Variants in PPP2R5C observed in about 807,000 individuals in gnomAD.
The protein encoded by PPP2R5C is serine/threonine-protein phosphatase 2A 56 kDa regulatory subunit gamma isoform.
In PPP2R5C, 7 loss-of-function variants were observed where a neutral mutation model predicts 68.9. The ratio of observed to expected loss-of-function variants is 0.10; its 90% CI spans 0.06 to 0.19. The LOEUF (loss-of-function observed/expected upper bound fraction) is 0.19, where lower values mean the gene tolerates loss of function less well. Ranked by LOEUF, PPP2R5C falls within the 10% of genes least tolerant of loss-of-function variation. The pLI, the probability that PPP2R5C is intolerant of heterozygous loss-of-function variation, is 1.00. For synonymous variants in PPP2R5C, 210 were observed against 222.2 expected, an observed-to-expected ratio of 0.95 and a Z score of 0.49; for missense variants, 348 against 641.3, an observed-to-expected ratio of 0.54 and a Z score of 4.94.
chr14:101,855,726 G>A (rs2042383543), intron 1 of PPP2R5C, among the ~76,000 whole-genome samples: 1 of 152,194 alleles, frequency 6.6e-6, no homozygotes, highest in African/African-American at 2.4e-5. Context: ...TCAGCCCAGG[G>A]AAGATGTCAC....
At chr14:101,793,985 T>C (rs1318184915) in intron 3 of PPP2R5C, among the ~76,000 whole-genome samples, 1 of 152,180 alleles carries the variant, frequency 6.6e-6, no homozygotes, top group Non-Finnish European at 1.5e-5. Context: ...TATGTCCAGT[T>C]GCTTCTCTTC....
chr14:101,912,336 T>C, intron 11 of PPP2R5C, 65 bp from the exon 14 acceptor site: 1 of 1,397,056 alleles, frequency 7.2e-7, no homozygotes, highest in South Asian at 1.5e-5. Context: ...CTGTGCCTTT[T>C]CCCCTTCAGT....
chr14:101,875,250 T>C (rs1450749017), intron 2 of PPP2R5C, among the ~76,000 whole-genome samples: 1 of 152,166 alleles, frequency 6.6e-6, no homozygotes, highest in Non-Finnish European at 1.5e-5. Flanking sequence ...GGAAGAAGGC[T>C]CTGCTCTCCC....
chr14:101,822,860 A>C (rs188445462), intron 1 of PPP2R5C, among the ~76,000 whole-genome samples: 40 of 152,348 alleles, frequency 2.6e-4, no homozygotes, highest in Non-Finnish European at 4.6e-4. Context: ...AAATGAACAT[A>C]AATTATACTG....
In PPP2R5C at chr14:101,891,979, TAG is replaced by T. The variant is rs1176220596; in HGVS notation, c.690-1018_690-1017del. Among the ~76,000 whole-genome samples, 1 of 152,214 alleles carries T rather than the reference TAG, an allele frequency of 6.6e-6. No individual in the cohort carries two copies. The highest frequency in any genetic ancestry group is 1.5e-5 in the Non-Finnish European group (1 of 68,042). On this transcript the variant is annotated intron_variant, in intron 6 of 13. Coordinates refer to ENST00000334743, the Ensembl canonical transcript of PPP2R5C. This position sits in a 1 kb window ranked among gnomAD's most constrained non-coding sequence, Gnocchi z 4.9. ...TTGTTTTTTGTTTTTGTTTTTGAGATAGAGTCTCGCTCTGTCACCGAGGCTGG... is the reference window on the plus strand; with the variant it reads ...TTGTTTTTTGTTTTTGTTTTTGAGATAGTCTCGCTCTGTCACCGAGGCTGG...
intron 3 of PPP2R5C, 58 bp from the exon 6 acceptor site, chr14:101,883,199 T>A: frequency 8.1e-7 from 1 of 1,232,514 alleles, no homozygotes; most frequent in Non-Finnish European, 1.1e-6. Flanking sequence ...CTGGTATATT[T>A]TAACCGCCAT....
intron 2 of PPP2R5C, among the ~76,000 whole-genome samples, chr14:101,767,827 G>A (rs1365756346): frequency 6.6e-6 from 1 of 152,144 alleles, no homozygotes; most frequent in Admixed American, 6.5e-5. Context: ...CGAGCTTTGG[G>A]GTTGTTAGGA....
chr14:101,831,052 T>A lies in PPP2R5C; in HGVS notation c.94+21016T>A, dbSNP rs74517574. 4.2e-3 allele frequency among the ~76,000 whole-genome samples: 643 copies of A among 152,254 alleles called. 6 individuals carry two copies. The highest frequency in any genetic ancestry group is 0.015 in the African/African-American group (612 of 41,544). ...TGGAAAATTATAGACTAACAACCCA[T>A]GTGCAAATGACAACATCGTGTGGCA... On this transcript the variant is annotated intron_variant, in intron 1 of 13. Transcript: ENST00000334743.
At chr14:101,923,142 C>A (rs1370914882) in intron 13 of PPP2R5C, among the ~76,000 whole-genome samples, 1 of 152,204 alleles carries the variant, frequency 6.6e-6, no homozygotes, top group Non-Finnish European at 1.5e-5. Context: ...GTCTTATTCT[C>A]CCTGCCTGCT....
chr14:101,771,224 TGTGTGTGTGTGTGTG>T (rs2037133415), intron 2 of PPP2R5C, among the ~76,000 whole-genome samples: 1 of 99,390 alleles, frequency 1.0e-5, no homozygotes. Flanking sequence ...CTTCATCTCG[TGTGTGTGTGTGTGTG>T]TGTGTGTGTG....
chr14:101,833,771 C>T (rs1473233464), intron 1 of PPP2R5C, among the ~76,000 whole-genome samples: 1 of 152,142 alleles, frequency 6.6e-6, no homozygotes, highest in Non-Finnish European at 1.5e-5. Context: ...GGGGTTTTCA[C>T]TTCCCAGCTT....
intron 5 of PPP2R5C, chr14:101,890,013 GA>G (rs975141884): frequency 4.7e-6 from 3 of 644,362 alleles, no homozygotes; most frequent in East Asian, 3.1e-5. Flanking sequence ...AAAATATTGA[GA>G]AAAAAATTCG....
At chr14:101,892,829 C>T (rs3742423) in intron 6 of PPP2R5C, among the ~76,000 whole-genome samples, 171 bp from the exon 9 acceptor site, 5,382 of 152,102 alleles carry the variant, frequency 0.035, 202 homozygotes, top group East Asian at 0.098. Context: ...ATGATCCTGC[C>T]GCCTCAGCCT....
intron 2 of PPP2R5C, among the ~76,000 whole-genome samples, chr14:101,858,530 G>GTTTTTTTTA (rs2042566797): frequency 6.6e-6 from 1 of 150,948 alleles, no homozygotes; most frequent in African/African-American, 2.4e-5. Context: ...TTTTTATGAT[G>GTTTTTTTTA]TGGGTTAGGG....
chr14:101,803,542 G>T (rs1416270968), intron 3 of PPP2R5C, among the ~76,000 whole-genome samples: 1 of 152,034 alleles, frequency 6.6e-6, no homozygotes, highest in Non-Finnish European at 1.5e-5. Flanking sequence ...GGCTAACACG[G>T]TGAAACCCTG....
rs564236912 is a variant in PPP2R5C, at chr14:101,829,734, C to T, written c.94+19698C>T. 2.8e-4 allele frequency among the ~76,000 whole-genome samples: 42 copies of T among 152,260 alleles called. No homozygotes were observed. The South Asian group carries it at 6.4e-3, about 23-fold the overall frequency. On this transcript the variant is annotated intron_variant, in intron 1 of 13. Transcript: ENST00000334743. ...CCCTGATTACAGCGGGAGCAGGCAACGTGAGGTGCCCGCAATCAGACATCC... is the reference window on the plus strand; with the variant it reads ...CCCTGATTACAGCGGGAGCAGGCAATGTGAGGTGCCCGCAATCAGACATCC...
rs1398912543 is a variant in PPP2R5C at position 101,879,954 on chromosome 14, A to G, written c.295-2207A>G. 7.9e-5 allele frequency among the ~76,000 whole-genome samples: 12 copies of G among 152,238 alleles called. No homozygotes were observed. The East Asian group carries it at 2.3e-3, about 29-fold the overall frequency. On this transcript the variant is annotated intron_variant, in intron 2 of 13. Transcript: ENST00000334743. This position sits in a 1 kb window ranked among gnomAD's most constrained non-coding sequence, Gnocchi z 4.2. ...GCCTTTCCTTAATAGTTGAGCTTTT[A>G]GCATCTGCTTGTTCACGTCTGTGGG...
At position 101,917,422 on chromosome 14, in the gene PPP2R5C, T is replaced by G. The variant is rs546334575; in HGVS notation, c.1327-409T>G. Among the ~76,000 whole-genome samples the G allele has an allele frequency of 6.6e-6, 1 of 152,022 alleles. No homozygotes were observed. Among genetic ancestry groups the G allele is most frequent in the Non-Finnish European group, 1.5e-5 (1 of 67,910 alleles). On this transcript the variant is annotated intron_variant, in intron 12 of 13. Transcript: ENST00000334743. The surrounding 1 kb of genome is among the most constrained non-coding windows in gnomAD (Gnocchi z 4.4). ...CGTGAGAGGAAAGGGAAAAGAATCATGAGGTTGGAGGTCGCTGGCAAAGAA... is the reference window on the plus strand; with the variant it reads ...CGTGAGAGGAAAGGGAAAAGAATCAGGAGGTTGGAGGTCGCTGGCAAAGAA...
chr14:101,784,071 C>G (rs1166619270), intron 2 of PPP2R5C, among the ~76,000 whole-genome samples: 1 of 152,160 alleles, frequency 6.6e-6, no homozygotes, highest in Non-Finnish European at 1.5e-5. Flanking sequence ...GAGGAAAAAG[C>G]CACAGACTGA....
Sources: gnomAD v4.1 joint callset for allele counts (sites outside exome capture counted in the v4.1 genomes callset) on GRCh38, gnomAD v4.1.1 for gene constraint, Gnocchi (gnomAD v3.1) non-coding constraint, MANE v1.5 for transcripts, NCBI Gene and HGNC (gene_info 2026-07-23, HGNC 2026-07-21) for gene names.